Variants in FGB observed in about 807,000 individuals in gnomAD.
FGB encodes the protein fibrinogen beta chain.
A neutral mutation model predicts 57.9 loss-of-function variants in FGB; 25 were observed. The ratio of observed to expected loss-of-function variants is 0.43; its 90% CI spans 0.31 to 0.60. The LOEUF is 0.60. Ranked by LOEUF, FGB falls within the 20% of genes least tolerant of loss-of-function variation. The pLI is 0.08. For synonymous variants in FGB, 203 were observed against 199.2 expected (o/e 1.02, Z -0.16); for missense variants, 536 against 598.4 (o/e 0.90, Z 1.09).
At position 154,563,037 on chromosome 4, in the gene FGB, T is replaced by A. The variant is rs1281486791; in HGVS notation, c.19T>A (p.Trp7Arg). Reference protein sequence around the residue: MKRMVSWSFHKLKTMKH... With the variant: MKRMVSRSFHKLKTMKH... The stretch of plus-strand genomic sequence containing the variant: ...AGTCTACATGAAAAGGATGGTTTCT[T>A]GGAGCTTCCACAAACTTAAAACCAT... Residue 7 changes from tryptophan (W) to arginine (R), a missense_variant, in exon 1 of 8, where the codon TGG (tryptophan) becomes AGG (arginine). Trp to Arg is a moderately radical substitution (Grantham distance 101). This residue lies in a region of FGB where 354 missense variants were observed against 383.4 expected (regional missense o/e 0.92). Transcript: ENST00000302068. 6.4e-7 allele frequency: 1 copy of A among 1,557,594 alleles called. No individual in the cohort carries two copies. The highest frequency in any genetic ancestry group is 1.8e-5 in the Admixed American group (1 of 54,682).
rs2110778843 is a variant in FGB at position 154,569,819 on chromosome 4, C to T, written c.1244+20C>T. 1.2e-6 allele frequency: 2 copies of T among 1,613,658 alleles called. No individual in the cohort carries two copies. The highest frequency in any genetic ancestry group is 1.7e-6 in the Non-Finnish European group (2 of 1,179,604). ...CGGCTGGTATGTGTGGCACTCTTTG[C>T]TCCTGCTTTAAAAATCACACTAATA... On this transcript the variant is annotated intron_variant, in intron 7 of 7. Transcript: ENST00000302068.
chr4:154,564,815 C>T (rs188980160), intron 1 of FGB, among the ~76,000 whole-genome samples: 22 of 151,840 alleles, frequency 1.4e-4, no homozygotes, highest in Admixed American at 7.2e-4. Flanking sequence ...TATTGCAATG[C>T]GTATTTTCTG....
At chr4:154,564,760 C>CA (rs201531228) in intron 1 of FGB, among the ~76,000 whole-genome samples, 29,826 of 144,376 alleles carry the variant, frequency 0.21, 2,946 homozygotes, top group Middle Eastern at 0.28. Context: ...TAGCTACTGA[C>CA]AAAAAAAAAA....
chr4:154,568,860 A>G (rs1372215235), intron 5 of FGB, among the ~76,000 whole-genome samples: 3 of 151,856 alleles, frequency 2.0e-5, no homozygotes, highest in Non-Finnish European at 4.4e-5. Context: ...CTGTCTCAAA[A>G]AAAAAAATTA....
chr4:154,565,467 A>G, intron 1 of FGB: 1 of 309,088 alleles, frequency 3.2e-6, no homozygotes, highest in Non-Finnish European at 6.3e-6. Flanking sequence ...GCTTGAGAAT[A>G]TTCATTCTTC....
chr4:154,570,503 C>T lies in FGB; in HGVS notation c.1329C>T (p.Asn443=), dbSNP rs150650205. The part of the protein sequence containing the change: ...WYNRCHAANP[N]GRYYWGGQYT... ...ATAGATGTCATGCAGCCAATCCAAA[C>T]GGCAGATACTACTGGGGTGGACAGT... The change falls in exon 8 of 8, where the codon AAC becomes AAT. Residue 443 remains asparagine (N), a synonymous_variant. Coordinates refer to ENST00000302068, the MANE Select transcript of FGB (RefSeq NM_005141.5). 982 of 1,614,000 alleles carry T rather than the reference C, an allele frequency of 6.1e-4. 14 individuals are homozygous for T. The South Asian group carries it at 9.4e-3, about 16-fold the overall frequency.
Position 154,572,476 on chromosome 4 carries a change from C to T in FGB, c.*1826C>T, listed in dbSNP as rs1307223596. Among the ~76,000 whole-genome samples the T allele has an allele frequency of 2.6e-5, 4 of 152,276 alleles. No individual in the cohort carries two copies. The highest frequency in any genetic ancestry group is 3.9e-4 in the East Asian group (2 of 5,186). On this transcript the variant is annotated 3_prime_UTR_variant, in exon 8 of 8. Coordinates refer to ENST00000302068, the MANE Select transcript of FGB (RefSeq NM_005141.5). The stretch of plus-strand genomic sequence containing the variant: ...TATAACATTTCTACTTAGCACTCTC[C>T]ACTTAGCAACCTCCATTTAACCCAA...
Position 154,570,677 on chromosome 4 carries a change from C to A in FGB, c.*27C>A. ...CCCCAATACGTAGATTTTTGCTCTT[C>A]TGTATGTGACAACATTTTTGTACAT... On this transcript the variant is annotated 3_prime_UTR_variant, in exon 8 of 8. Transcript: ENST00000302068. 1 of 1,524,672 alleles carries A rather than the reference C, an allele frequency of 6.6e-7. No homozygotes were observed. Among genetic ancestry groups the A allele is most frequent in the Non-Finnish European group, 9.1e-7 (1 of 1,099,000 alleles). The allele number at this position is 1,524,672 out of a possible 1,614,324, so 94.4% of individuals were successfully genotyped here. A position where few individuals can be genotyped will look rare whatever the true frequency, so the allele number is the denominator to read the frequency against.
chr4:154,570,323 G>A (rs1014019919), intron 7 of FGB, 96 bp from the exon 8 acceptor site: 4 of 857,062 alleles, frequency 4.7e-6, no homozygotes, highest in African/African-American at 3.3e-5. Flanking sequence ...AGACTACTGT[G>A]CACACGAGTG....
chr4:154,570,285 G>A, intron 7 of FGB, 134 bp from the exon 8 acceptor site: 1 of 726,592 alleles, frequency 1.4e-6, no homozygotes, highest in Non-Finnish European at 2.5e-6. Context: ...GTGTATTAGT[G>A]TGACTCTATG....
chr4:154,568,242 T>A, intron 4 of FGB, 139 bp from the exon 5 acceptor site: 1 of 677,224 alleles, frequency 1.5e-6, no homozygotes. Context: ...GAAAATCTAA[T>A]ATTTGTTATA....
intron 1 of FGB, chr4:154,565,435 T>C (rs1194714832): frequency 1.0e-5 from 3 of 293,766 alleles, no homozygotes. Context: ...ACAATAATCA[T>C]AGGAATCTAA....
chr4:154,567,841 T>C, intron 4 of FGB, 21 bp downstream of exon 4: 1 of 1,548,266 alleles, frequency 6.5e-7, no homozygotes, highest in Non-Finnish European at 8.9e-7. Flanking sequence ...CATAAACATA[T>C]TTTTAGAGAG....
chr4:154,568,975 T>A (rs1175552202), intron 5 of FGB, among the ~76,000 whole-genome samples: 1 of 152,226 alleles, frequency 6.6e-6, no homozygotes, highest in Non-Finnish European at 1.5e-5. Flanking sequence ...ATAAAATATC[T>A]ATAATTCACA....
At chr4:154,563,810 A>G (rs1718690762) in intron 1 of FGB, among the ~76,000 whole-genome samples, 1 of 152,004 alleles carries the variant, frequency 6.6e-6, no homozygotes, top group South Asian at 2.1e-4. Context: ...TACTAAAAAT[A>G]CAGAAATGCA....
At chr4:154,569,936 T>C (rs1730349459) in intron 7 of FGB, 137 bp downstream of exon 7, 2 of 838,792 alleles carry the variant, frequency 2.4e-6, no homozygotes, top group Non-Finnish European at 3.9e-6. Context: ...TATGCATCAC[T>C]CGAAAGCATT....
rs1353453629 is a variant in FGB, at chr4:154,570,576, A to G, written c.1402A>G (p.Met468Val). 6.2e-7 allele frequency: 1 copy of G among 1,614,160 alleles called. No homozygotes were observed. The highest frequency in any genetic ancestry group is 1.7e-5 in the Admixed American group (1 of 60,012). The change falls in exon 8 of 8, where the codon ATG (methionine) becomes GTG (valine). Residue 468 changes from methionine (M) to valine (V), a missense_variant. This residue lies in a region of FGB where 177 missense variants were observed against 193.7 expected (regional missense o/e 0.91). Coordinates refer to ENST00000302068, the MANE Select transcript of FGB (RefSeq NM_005141.5). ...KHGTDDGVVW[M>V]NWKGSWYSMR... ...TGGCACAGATGATGGTGTAGTATGG[A>G]TGAATTGGAAGGGGTCATGGTACTC...
intron 7 of FGB, 33 bp from the exon 8 acceptor site, chr4:154,570,386 G>C: frequency 6.4e-7 from 1 of 1,561,752 alleles, no homozygotes; most frequent in South Asian, 1.1e-5. Flanking sequence ...CCGTAGTTCT[G>C]TTTCTAATAA....
intron 5 of FGB, among the ~76,000 whole-genome samples, chr4:154,568,727 GGTAGTATGTGCCT>G (rs1560818305): frequency 2.0e-5 from 3 of 150,736 alleles, no homozygotes; most frequent in Non-Finnish European, 4.4e-5. Flanking sequence ...CAGCTGTGTT[GGTAGTATGTGCCT>G]GTAGTCCCAG....
Sources: gnomAD v4.1 joint callset for allele counts (sites outside exome capture counted in the v4.1 genomes callset) on GRCh38, gnomAD v4.1.1 for gene constraint, gnomAD v4.1.1 regional missense constraint, MANE v1.5 for transcripts, NCBI Gene and HGNC (gene_info 2026-07-23, HGNC 2026-07-21) for gene names.